CNTNAP5: variants seen among roughly 807,000 people sequenced by gnomAD.
The protein encoded by CNTNAP5 is contactin associated protein family member 5, also known as contactin-associated protein-like 5.
Under a neutral mutation model 150.2 loss-of-function variants are expected in CNTNAP5, and 72 were observed. The ratio of observed to expected loss-of-function variants is 0.48; its 90% CI spans 0.40 to 0.58. The LOEUF is 0.58. Among genes scored for constraint, CNTNAP5 ranks in the 20% least tolerant of loss-of-function variants. CNTNAP5 has a pLI of 0.00. For missense variants in CNTNAP5, 1,636 were observed against 1,626.2 expected (o/e 1.01, Z -0.10); for synonymous variants, 672 against 619.8 (o/e 1.08, Z -1.25).
chr2:124,097,620 TC>T (rs1182921408), intron 1 of CNTNAP5, among the ~76,000 whole-genome samples: 4 of 152,158 alleles, frequency 2.6e-5, no homozygotes, highest in African/African-American at 9.7e-5. Context: ...GTCCATTGTT[TC>T]CCTATGCTCT....
chr2:124,806,320 G>A (rs1453726494), intron 19 of CNTNAP5, among the ~76,000 whole-genome samples: 1 of 152,152 alleles, frequency 6.6e-6, no homozygotes, highest in Non-Finnish European at 1.5e-5. Context: ...TGACAGTGGG[G>A]CCATATTGGG....
chr2:124,686,173 T>G (rs1002695239), intron 13 of CNTNAP5, among the ~76,000 whole-genome samples: 1 of 152,112 alleles, frequency 6.6e-6, no homozygotes, highest in African/African-American at 2.4e-5. Flanking sequence ...TATTTATTAG[T>G]GGCTTACTTT....
intron 1 of CNTNAP5, among the ~76,000 whole-genome samples, chr2:124,083,709 A>G (rs972418590): frequency 6.6e-6 from 1 of 152,048 alleles, no homozygotes; most frequent in African/African-American, 2.4e-5. Context: ...TGCTGTAGAC[A>G]TAAGTTTTAA....
chr2:124,032,221 T>A (rs1573704027), intron 1 of CNTNAP5, among the ~76,000 whole-genome samples: 1 of 152,130 alleles, frequency 6.6e-6, no homozygotes, highest in East Asian at 1.9e-4. Context: ...AGTATGCTCT[T>A]TGAGGAAAAA....
At chr2:124,383,750 A>G (rs1309464291) in intron 3 of CNTNAP5, among the ~76,000 whole-genome samples, 4 of 152,244 alleles carry the variant, frequency 2.6e-5, no homozygotes, top group Admixed American at 6.5e-5. Context: ...TCCATGAATC[A>G]TAACTCTCGG....
intron 8 of CNTNAP5, among the ~76,000 whole-genome samples, chr2:124,515,801 G>T (rs1036513284): frequency 3.9e-5 from 6 of 152,178 alleles, no homozygotes; most frequent in African/African-American, 1.4e-4. Flanking sequence ...CTGGAGCAGG[G>T]AATTCTTGTA....
At chr2:124,093,261 T>A (rs1682856495) in intron 1 of CNTNAP5, among the ~76,000 whole-genome samples, 1 of 152,202 alleles carries the variant, frequency 6.6e-6, no homozygotes, top group African/African-American at 2.4e-5. Context: ...GCTTTTCTTA[T>A]CCTCCATGTC....
intron 8 of CNTNAP5, among the ~76,000 whole-genome samples, chr2:124,515,547 ATCACGT>A (rs1694691627): frequency 4.7e-5 from 2 of 42,136 alleles, no homozygotes; most frequent in South Asian, 5.1e-4. Context: ...TCAATCATTC[ATCACGT>A]TTTATATGCC....
At chr2:124,592,170 T>C (rs1696699613) in intron 11 of CNTNAP5, among the ~76,000 whole-genome samples, 1 of 152,128 alleles carries the variant, frequency 6.6e-6, no homozygotes, top group African/African-American at 2.4e-5. Context: ...ACAAATGGTG[T>C]TTTTAAAAAA....
At chr2:124,254,609 C>T (rs2104783999) in intron 3 of CNTNAP5, among the ~76,000 whole-genome samples, 1 of 152,256 alleles carries the variant, frequency 6.6e-6, no homozygotes, top group Admixed American at 6.5e-5. Flanking sequence ...AGATTTTAAG[C>T]CACTGGCATT....
chr2:124,522,861 A>G (rs1195401611), intron 8 of CNTNAP5, among the ~76,000 whole-genome samples: 1 of 152,086 alleles, frequency 6.6e-6, no homozygotes, highest in Non-Finnish European at 1.5e-5. Context: ...GACTCCCCTT[A>G]ACTGTCATCC....
At chr2:124,853,240 C>A (rs1456527290) in intron 19 of CNTNAP5, among the ~76,000 whole-genome samples, 9 of 152,182 alleles carry the variant, frequency 5.9e-5, no homozygotes. Flanking sequence ...CCCTTTAGAT[C>A]TTATATGTAC....
chr2:124,755,111 C>T (rs1204067610), intron 14 of CNTNAP5, among the ~76,000 whole-genome samples: 1 of 151,850 alleles, frequency 6.6e-6, no homozygotes, highest in African/African-American at 2.4e-5. Context: ...TGCCACCATC[C>T]TATCCAACTT....
chr2:124,648,983 T>C (rs1032679467), intron 13 of CNTNAP5, among the ~76,000 whole-genome samples: 1 of 152,222 alleles, frequency 6.6e-6, no homozygotes, highest in Admixed American at 6.5e-5. Flanking sequence ...GCCTCCTTGA[T>C]CTAGGATCTT....
intron 2 of CNTNAP5, among the ~76,000 whole-genome samples, chr2:124,240,382 G>T (rs900764050): frequency 6.6e-6 from 1 of 152,146 alleles, no homozygotes; most frequent in African/African-American, 2.4e-5. Context: ...ACGCTAGCCT[G>T]GAAGTGGCAC....
intron 6 of CNTNAP5, among the ~76,000 whole-genome samples, chr2:124,464,402 A>C (rs1693328157): frequency 6.6e-6 from 1 of 152,336 alleles, no homozygotes; most frequent in East Asian, 1.9e-4. Context: ...CTTGTGAAAT[A>C]ATAGATTGTA....
At chr2:124,036,313 G>A (rs2104626570) in intron 1 of CNTNAP5, among the ~76,000 whole-genome samples, 1 of 152,186 alleles carries the variant, frequency 6.6e-6, no homozygotes, top group African/African-American at 2.4e-5. Context: ...CAAGGGAAAA[G>A]GAAACCCACA....
intron 7 of CNTNAP5, among the ~76,000 whole-genome samples, chr2:124,487,919 C>T (rs767554224): frequency 1.8e-4 from 27 of 152,074 alleles, no homozygotes; most frequent in Non-Finnish European, 2.9e-4. Flanking sequence ...ATGCACACTA[C>T]AGGAAGCAGT....
intron 1 of CNTNAP5, among the ~76,000 whole-genome samples, chr2:124,098,035 AT>A (rs1269868353): frequency 2.7e-5 from 4 of 150,604 alleles, no homozygotes; most frequent in East Asian, 2.0e-4. Flanking sequence ...CTCAAAAAAA[AT>A]AAATAAATAG....
Sources: allele counts gnomAD v4.1 joint callset (sites outside exome capture counted in the v4.1 genomes callset), GRCh38; gene constraint gnomAD v4.1.1; transcripts MANE v1.5; gene names NCBI Gene and HGNC (gene_info 2026-07-23, HGNC 2026-07-21).